Variants in ATP2B2 observed in about 807,000 individuals in gnomAD.
ATP2B2 encodes ATPase plasma membrane Ca2+ transporting 2, also known as plasma membrane calcium-transporting ATPase 2.
Under a neutral mutation model 120.0 loss-of-function variants are expected in ATP2B2, and 15 were observed. The ratio of observed to expected loss-of-function variants is 0.12; its 90% CI spans 0.08 to 0.19. ATP2B2 has a LOEUF of 0.19. ATP2B2 is among the 10% of genes least tolerant of loss of function. ATP2B2 has a pLI of 1.00. For synonymous variants in ATP2B2, 694 were observed against 700.3 expected, an observed-to-expected ratio of 0.99 and a Z score of 0.14; for missense variants, 1,045 against 1,719.8, an observed-to-expected ratio of 0.61 and a Z score of 6.94.
At chr3:10,513,740 AG>A (rs2066822420) in intron 3 of ATP2B2, among the ~76,000 whole-genome samples, 1 of 152,114 alleles carries the variant, frequency 6.6e-6, no homozygotes, top group Non-Finnish European at 1.5e-5. Context: ...CAGGGGGCTG[AG>A]GGGGCACCCT....
chr3:10,651,617 T>C (rs982695999), intron 1 of ATP2B2, among the ~76,000 whole-genome samples: 2 of 152,018 alleles, frequency 1.3e-5, no homozygotes, highest in African/African-American at 4.8e-5. Context: ...GATGGGTTCA[T>C]GGGTGGATGG....
chr3:10,693,376 T>C (rs1301153241), intron 1 of ATP2B2, among the ~76,000 whole-genome samples: 4 of 152,240 alleles, frequency 2.6e-5, no homozygotes, highest in African/African-American at 7.2e-5. Flanking sequence ...AGCAGATATG[T>C]GAGTGCCTCC....
At chr3:10,381,408 G>A (rs2061526917) in intron 8 of ATP2B2, among the ~76,000 whole-genome samples, 1 of 152,230 alleles carries the variant, frequency 6.6e-6, no homozygotes. Flanking sequence ...AAGGCTCAAA[G>A]GGGCCTTTAT....
In ATP2B2 at chr3:10,549,927, G is replaced by A. The variant is rs150102142; in HGVS notation, c.-414-15794C>T. ...CCTTACCTAGTGATGCTAGAACTCAGGGGAGCCACATGGCTCAGAGAGGTT... is the reference window on the plus strand; with the variant it reads ...CCTTACCTAGTGATGCTAGAACTCAAGGGAGCCACATGGCTCAGAGAGGTT... On this transcript the variant is annotated intron_variant, in intron 2 of 21. Transcript: ENST00000646379. 1.7e-4 allele frequency among the ~76,000 whole-genome samples: 26 copies of A among 152,360 alleles called. 1 individual carries two copies. In the East Asian group the frequency reaches 5.0e-3, roughly 29 times the overall value.
intron 8 of ATP2B2, among the ~76,000 whole-genome samples, chr3:10,382,854 T>C (rs1007539485): frequency 5.9e-5 from 9 of 151,866 alleles, no homozygotes; most frequent in Non-Finnish European, 1.0e-4. Flanking sequence ...CCCTAATTTT[T>C]TTTTTCCATA....
chr3:10,490,514 T>A (rs2065895505), intron 1 of ATP2B2, among the ~76,000 whole-genome samples: 1 of 151,752 alleles, frequency 6.6e-6, no homozygotes, highest in South Asian at 2.1e-4. Context: ...AATTCCTGTA[T>A]CTCAGCCTCC....
At position 10,463,325 on chromosome 3, in the gene ATP2B2, A is replaced by G. The variant is rs116041378; in HGVS notation, c.-319-13463T>C. 1.8e-3 allele frequency among the ~76,000 whole-genome samples: 280 copies of G among 152,294 alleles called. 3 individuals are homozygous for G. Among genetic ancestry groups the G allele is most frequent in the African/African-American group, 6.0e-3 (251 of 41,558 alleles). On this transcript the variant is annotated intron_variant, in intron 1 of 22. Coordinates refer to ENST00000360273, the MANE Select transcript of ATP2B2 (RefSeq NM_001001331.4). ...CACCAGGTCTGGTTCCATGACCGAG[A>G]AAGCAGTTGGACTATGGAATGACAT...
At chr3:10,506,541 C>T (rs1196525095), upstream of ATP2B2, among the ~76,000 whole-genome samples, 2 of 152,200 alleles carry the variant, frequency 1.3e-5, no homozygotes, top group African/African-American at 2.4e-5. Context: ...CTTTCAACTC[C>T]AGATGGGTGG....
intron 1 of ATP2B2, among the ~76,000 whole-genome samples, chr3:10,640,141 CGAG>C (rs2070132424): frequency 6.6e-6 from 1 of 152,114 alleles, no homozygotes; most frequent in African/African-American, 2.4e-5. Context: ...CTTGTACTGA[CGAG>C]GAGATTGAGG....
chr3:10,343,114 T>C lies in ATP2B2; in HGVS notation c.2704-149A>G, dbSNP rs2060328708. On this transcript the variant is annotated intron_variant, in intron 18 of 22. Transcript: ENST00000360273. The surrounding 1 kb of genome is among the most constrained non-coding windows in gnomAD (Gnocchi z 4.2). Reference sequence around the variant, plus strand: ...CTCCCCAGCAGGCATGGAGTTGTTCTCTGATGCCTTCTCTGGAGAACAGTG... The same window carrying C: ...CTCCCCAGCAGGCATGGAGTTGTTCCCTGATGCCTTCTCTGGAGAACAGTG... 1 of 755,608 alleles carries C rather than the reference T, an allele frequency of 1.3e-6. No individual in the cohort carries two copies. Among genetic ancestry groups the C allele is most frequent in the Non-Finnish European group, 2.2e-6 (1 of 457,370 alleles). 46.8% of individuals were successfully genotyped at this position (755,608 alleles called of 1,614,324 possible).
At chr3:10,377,153 C>T (rs1442114952) in intron 10 of ATP2B2, among the ~76,000 whole-genome samples, 2 of 152,154 alleles carry the variant, frequency 1.3e-5, no homozygotes, top group Non-Finnish European at 2.9e-5. Flanking sequence ...GGGTTGTTCT[C>T]ATCGCTTCGT....
intron 1 of ATP2B2, among the ~76,000 whole-genome samples, chr3:10,661,251 A>T (rs2070772525): frequency 6.6e-6 from 1 of 152,024 alleles, no homozygotes; most frequent in African/African-American, 2.4e-5. Flanking sequence ...TGGCGAGGGC[A>T]ATCAGGCAGG....
At position 10,338,199 on chromosome 3, in the gene ATP2B2, C is replaced by T; in HGVS notation, c.3397G>A (p.Gly1133Ser). The T allele has an allele frequency of 3.7e-6, 6 of 1,614,154 alleles. No individual in the cohort carries two copies. The highest frequency in any genetic ancestry group is 5.1e-6 in the Non-Finnish European group (6 of 1,180,024). The change falls in exon 22 of 23, where the codon GGC becomes AGC. Residue 1133 changes from glycine (G) to serine (S), a missense_variant. Transcript: ENST00000360273. ...ACCTGTGTCTGGATCCGATTCAGGCCTCGGAACCACAGGATCTGGCCCCGC... is the reference window on the plus strand; with the variant it reads ...ACCTGTGTCTGGATCCGATTCAGGCTTCGGAACCACAGGATCTGGCCCCGC... ...LRRGQILWFR[G>S]LNRIQTQIRV...
At chr3:10,364,773 G>A (rs1017369277) in intron 12 of ATP2B2, among the ~76,000 whole-genome samples, 1 of 152,118 alleles carries the variant, frequency 6.6e-6, no homozygotes, top group African/African-American at 2.4e-5. Flanking sequence ...GAACCCCATA[G>A]CATGGTAAAC....
At chr3:10,680,514 C>G (rs539777660) in intron 1 of ATP2B2, among the ~76,000 whole-genome samples, 1 of 152,172 alleles carries the variant, frequency 6.6e-6, no homozygotes, top group South Asian at 2.1e-4. Context: ...AGTGGAGTGA[C>G]CTTGGGCAGG....
chr3:10,604,667 A>G (rs894630280), intron 2 of ATP2B2, among the ~76,000 whole-genome samples: 6 of 152,052 alleles, frequency 3.9e-5, no homozygotes, highest in African/African-American at 1.4e-4. Context: ...CCACATAAAA[A>G]CCTGGGTCCC....
At chr3:10,370,630 A>G (rs921709198) in intron 12 of ATP2B2, among the ~76,000 whole-genome samples, 1 of 152,136 alleles carries the variant, frequency 6.6e-6, no homozygotes, top group Admixed American at 6.5e-5. Context: ...TTCCCCTACC[A>G]GCCCTTGGCT....
chr3:10,483,605 C>G (rs560758926), intron 1 of ATP2B2, among the ~76,000 whole-genome samples: 1 of 152,274 alleles, frequency 6.6e-6, no homozygotes, highest in South Asian at 2.1e-4. Context: ...GAATTCTCTG[C>G]GGGCTTAATT....
chr3:10,510,563 G>A (rs992399624), upstream of ATP2B2, among the ~76,000 whole-genome samples: 2 of 152,240 alleles, frequency 1.3e-5, no homozygotes, highest in African/African-American at 2.4e-5. Flanking sequence ...TTAGCCCCGT[G>A]AGGGTCCACC....
Sources: gnomAD v4.1 joint callset for allele counts (sites outside exome capture counted in the v4.1 genomes callset) on GRCh38, gnomAD v4.1.1 for gene constraint, Gnocchi (gnomAD v3.1) non-coding constraint, MANE v1.5 for transcripts, NCBI Gene and HGNC (gene_info 2026-07-23, HGNC 2026-07-21) for gene names.